Variants in LRBA observed in about 807,000 individuals in gnomAD.
LRBA encodes lipopolysaccharide-responsive and beige-like anchor protein.
Under a neutral mutation model 330.0 loss-of-function variants are expected in LRBA, and 176 were observed. The observed-to-expected ratio is 0.53, with a 90% confidence interval of 0.47 to 0.60. The LOEUF is 0.60. LRBA is among the 20% of genes least tolerant of loss of function. The pLI, the probability that LRBA is intolerant of heterozygous loss-of-function variation, is 0.00. For missense variants in LRBA, 3,259 were observed against 3,444.8 expected (o/e 0.95, Z 1.35); for synonymous variants, 1,230 against 1,193.0 (o/e 1.03, Z -0.64).
intron 35 of LRBA, among the ~76,000 whole-genome samples, chr4:150,753,184 T>C (rs1295053592): frequency 2.0e-5 from 3 of 152,176 alleles, no homozygotes; most frequent in Non-Finnish European, 4.4e-5. Flanking sequence ...CCTCCCCTCG[T>C]TTTAACTTTC....
At chr4:150,750,239 TC>T (rs1733352521) in intron 35 of LRBA, among the ~76,000 whole-genome samples, 1 of 152,198 alleles carries the variant, frequency 6.6e-6, no homozygotes, top group East Asian at 1.9e-4. Flanking sequence ...ATTTGTTCTC[TC>T]CTTTATGACA....
At chr4:150,590,567 G>A (rs1421350934) in intron 39 of LRBA, 146 bp downstream of exon 39, 1 of 634,000 alleles carries the variant, frequency 1.6e-6, no homozygotes, top group Non-Finnish European at 2.7e-6. Context: ...AGAAACTGTA[G>A]AAGGGGGGGA....
chr4:150,629,513 C>A (rs1201063846), intron 37 of LRBA, among the ~76,000 whole-genome samples: 1 of 151,838 alleles, frequency 6.6e-6, no homozygotes, highest in African/African-American at 2.4e-5. Context: ...GTGGCACATG[C>A]CTGTAGTCCC....
intron 2 of LRBA, among the ~76,000 whole-genome samples, chr4:150,999,922 A>G (rs1162282054): frequency 6.6e-6 from 1 of 152,206 alleles, no homozygotes; most frequent in African/African-American, 2.4e-5. Flanking sequence ...TATACATTGC[A>G]AGACCCCTAG....
chr4:150,811,525 C>T (rs762110164), intron 31 of LRBA, among the ~76,000 whole-genome samples: 3 of 151,698 alleles, frequency 2.0e-5, no homozygotes, highest in Non-Finnish European at 2.9e-5. Flanking sequence ...TTTTAAGAGA[C>T]GAGGTCTTGC....
At chr4:150,680,828 C>T (rs1304923920) in intron 37 of LRBA, among the ~76,000 whole-genome samples, 1 of 152,138 alleles carries the variant, frequency 6.6e-6, no homozygotes, top group Non-Finnish European at 1.5e-5. Flanking sequence ...ATTAAAACCA[C>T]TGCCGATCCC....
chr4:150,507,307 A>C (rs1051185698), intron 40 of LRBA, among the ~76,000 whole-genome samples: 1 of 152,170 alleles, frequency 6.6e-6, no homozygotes, highest in Non-Finnish European at 1.5e-5. Context: ...TGGAGGCATC[A>C]CTCTTCTTGA....
chr4:150,485,935 G>A (rs1448198738), intron 42 of LRBA, among the ~76,000 whole-genome samples: 2 of 151,932 alleles, frequency 1.3e-5, no homozygotes, highest in African/African-American at 4.8e-5. Context: ...AGGCAGAGGA[G>A]TGGGGGAAAT....
intron 2 of LRBA, chr4:151,012,817 T>C (rs1215182118): frequency 6.6e-6 from 1 of 151,386 alleles, no homozygotes; most frequent in East Asian, 1.9e-4. Flanking sequence ...TCTTTTTTTT[T>C]TTTTTTTTTT....
rs940830922 is a variant in LRBA at position 150,573,858 on chromosome 4, A to G, written c.6330+14190T>C. On this transcript the variant is annotated intron_variant, in intron 40 of 56. Coordinates refer to ENST00000651943, the MANE Select transcript of LRBA (RefSeq NM_001364905.1). ...TTTAGTGACTCATGTTTTGAAAACC[A>G]CTTCCCTGCTTAGATCTATCTTTTA... Among the ~76,000 whole-genome samples, 6 of 152,168 alleles carry G rather than the reference A, an allele frequency of 3.9e-5. No homozygotes were observed. The East Asian group carries it at 1.2e-3, about 29-fold the overall frequency.
intron 40 of LRBA, among the ~76,000 whole-genome samples, chr4:150,510,215 A>C (rs1230227108): frequency 6.6e-6 from 1 of 152,164 alleles, no homozygotes; most frequent in Non-Finnish European, 1.5e-5. Context: ...ACAATATCTA[A>C]TAAAGAAGTT....
chr4:150,465,698 T>C (rs941210658), intron 44 of LRBA, among the ~76,000 whole-genome samples: 3 of 152,154 alleles, frequency 2.0e-5, no homozygotes, highest in African/African-American at 7.2e-5. Flanking sequence ...TTGAATGTTG[T>C]TGAGTTTTAG....
intron 9 of LRBA, among the ~76,000 whole-genome samples, chr4:150,910,410 C>A (rs1201397427): frequency 6.6e-6 from 1 of 152,132 alleles, no homozygotes; most frequent in Non-Finnish European, 1.5e-5. Context: ...TTCCCAACAT[C>A]ATGTGTTGAA....
chr4:150,286,082 A>G (rs1399798458), intron 53 of LRBA, 48 bp from the exon 54 acceptor site: 4 of 1,234,074 alleles, frequency 3.2e-6, no homozygotes, highest in Admixed American at 2.5e-5. Context: ...AATTTCATGC[A>G]TATTAAATAA....
At chr4:150,835,209 C>A (rs998349072) in intron 28 of LRBA, among the ~76,000 whole-genome samples, 1 of 152,118 alleles carries the variant, frequency 6.6e-6, no homozygotes, top group Non-Finnish European at 1.5e-5. Context: ...TTACTGTAGC[C>A]TTATAGTATA....
intron 53 of LRBA, among the ~76,000 whole-genome samples, chr4:150,301,487 G>T (rs1729669031): frequency 6.6e-6 from 1 of 151,948 alleles, no homozygotes; most frequent in African/African-American, 2.4e-5. Context: ...AATAAAAACT[G>T]TATTTACCTA....
At chr4:150,290,399 T>C (rs1728118796) in intron 53 of LRBA, among the ~76,000 whole-genome samples, 1 of 152,208 alleles carries the variant, frequency 6.6e-6, no homozygotes, top group Non-Finnish European at 1.5e-5. Flanking sequence ...GTCTTTACCT[T>C]TGCTTTCTGA....
At chr4:150,932,966 A>T (rs535275883) in intron 2 of LRBA, among the ~76,000 whole-genome samples, 31 of 152,276 alleles carry the variant, frequency 2.0e-4, no homozygotes, top group African/African-American at 7.5e-4. Context: ...ATATCTATCA[A>T]AATTTTTTAT....
intron 40 of LRBA, among the ~76,000 whole-genome samples, chr4:150,543,568 A>G (rs1765543396): frequency 6.6e-6 from 1 of 152,194 alleles, no homozygotes; most frequent in South Asian, 2.1e-4. Flanking sequence ...TATTTTCTGA[A>G]TAGAAATTGG....
Sources: gnomAD v4.1 joint callset for allele counts (sites outside exome capture counted in the v4.1 genomes callset) on GRCh38, gnomAD v4.1.1 for gene constraint, MANE v1.5 for transcripts, NCBI Gene and HGNC (gene_info 2026-07-23, HGNC 2026-07-21) for gene names.